SMLR1: variants seen among roughly 807,000 people sequenced by gnomAD.
The protein encoded by SMLR1 is small leucine-rich protein 1.
In SMLR1, 3 loss-of-function variants were observed where a neutral mutation model predicts 6.1. That is an observed-to-expected ratio of 0.49 (90% CI 0.22 to 1.28). The LOEUF is 1.28. Ranked by LOEUF, SMLR1 falls within the 50% of genes most tolerant of loss-of-function variation. The probability of loss-of-function intolerance (pLI) is 0.19; values close to 1 mark genes in which losing one functional copy is unlikely to be tolerated. For synonymous variants in SMLR1, 55 were observed against 53.6 expected, an observed-to-expected ratio of 1.03 and a Z score of -0.11; for missense variants, 126 against 124.8, an observed-to-expected ratio of 1.01 and a Z score of -0.05.
Position 130,827,662 on chromosome 6 carries a change from G to A in SMLR1, c.238+11G>A, listed in dbSNP as rs1242884150. ...TCAAACTGATTGAGGGTAAGTGTGAGGCCACACAAGGAAGAACTTGGGCAT... is the reference window on the plus strand; with the variant it reads ...TCAAACTGATTGAGGGTAAGTGTGAAGCCACACAAGGAAGAACTTGGGCAT... On this transcript the variant is annotated intron_variant, in intron 1 of 1. Transcript: ENST00000541421. 1.3e-6 allele frequency: 2 copies of A among 1,530,992 alleles called. No homozygotes were observed. Among genetic ancestry groups the A allele is most frequent in the African/African-American group, 1.4e-5 (1 of 73,010 alleles). 94.8% of individuals were successfully genotyped at this position (1,530,992 alleles called of 1,614,324 possible).
Position 130,835,196 on chromosome 6 carries a change from C to T in SMLR1, c.*241C>T, listed in dbSNP as rs1051575500. 2.4e-4 allele frequency: 106 copies of T among 447,698 alleles called. No homozygotes were observed. Among genetic ancestry groups the T allele is most frequent in the African/African-American group, 2.0e-3 (102 of 51,266 alleles). The allele number at this position is 447,698 out of a possible 1,614,324, so 27.7% of individuals were successfully genotyped here. On this transcript the variant is annotated 3_prime_UTR_variant, in exon 2 of 2. Transcript: ENST00000541421. The stretch of plus-strand genomic sequence containing the variant: ...CAAGAATGGATTTCCTGGGTATATA[C>T]ACTGGACACATTGTAACTTTTTAAC...
At chr6:130,829,023 ACACT>A (rs1453009684) in intron 1 of SMLR1, among the ~76,000 whole-genome samples, 3 of 152,190 alleles carry the variant, frequency 2.0e-5, no homozygotes, top group Non-Finnish European at 4.4e-5. Flanking sequence ...CCCATCCGTA[ACACT>A]CACTGCATCT....
chr6:130,830,707 T>G (rs908358296), intron 1 of SMLR1, among the ~76,000 whole-genome samples: 5 of 152,094 alleles, frequency 3.3e-5, no homozygotes, highest in Non-Finnish European at 7.3e-5. Flanking sequence ...ATAAAGACCT[T>G]GCTGATAAAA....
At position 130,830,064 on chromosome 6, in the gene SMLR1, A is replaced by G. The variant is rs142873616; in HGVS notation, c.238+2413A>G. Among the ~76,000 whole-genome samples the G allele has an allele frequency of 4.4e-3, 664 of 152,320 alleles. 10 individuals are homozygous for G. Among genetic ancestry groups the G allele is most frequent in the African/African-American group, 0.015 (638 of 41,576 alleles). On this transcript the variant is annotated intron_variant, in intron 1 of 1. Transcript: ENST00000541421. ...ATTTTTACTATGAGTTTTTAAGACTAAGAGAAAATAATCCCAGTTCTAGAA... is the reference window on the plus strand; with the variant it reads ...ATTTTTACTATGAGTTTTTAAGACTGAGAGAAAATAATCCCAGTTCTAGAA...
intron 1 of SMLR1, among the ~76,000 whole-genome samples, chr6:130,831,543 T>C (rs1774447426): frequency 6.6e-6 from 1 of 152,196 alleles, no homozygotes; most frequent in South Asian, 2.1e-4. Flanking sequence ...GGGTAAGTAG[T>C]ACTGTCTTCT....
chr6:130,835,542 C>T lies in SMLR1; in HGVS notation c.*587C>T, dbSNP rs960188956. On this transcript the variant is annotated 3_prime_UTR_variant, in exon 2 of 2. Coordinates refer to ENST00000541421, the MANE Select transcript of SMLR1 (RefSeq NM_001195597.2). ...ATTATTGTCACAAATATGCACAAAACAAGTGGAGTATCCCCACACTAGGTA... is the reference window on the plus strand; with the variant it reads ...ATTATTGTCACAAATATGCACAAAATAAGTGGAGTATCCCCACACTAGGTA... 2 of 152,556 alleles carry T rather than the reference C, an allele frequency of 1.3e-5. No homozygotes were observed. Among genetic ancestry groups the T allele is most frequent in the Admixed American group, 6.5e-5 (1 of 15,324 alleles). 9.5% of individuals were successfully genotyped at this position (152,556 alleles called of 1,614,324 possible).
intron 1 of SMLR1, among the ~76,000 whole-genome samples, chr6:130,830,045 A>C (rs563450173): frequency 3.3e-5 from 5 of 152,272 alleles, no homozygotes; most frequent in African/African-American, 1.2e-4. Flanking sequence ...ACAGATTTTT[A>C]CTATGAGTTT....
chr6:130,828,982 C>T (rs1019808779), intron 1 of SMLR1, among the ~76,000 whole-genome samples: 1 of 152,118 alleles, frequency 6.6e-6, no homozygotes, highest in African/African-American at 2.4e-5. Context: ...TCTTCCAAGT[C>T]GAAATGTTTT....
chr6:130,834,858 T>G lies in SMLR1; in HGVS notation c.239-12T>G. The stretch of plus-strand genomic sequence containing the variant: ...ATGTCTCCAAATTATTAACTAATAT[T>G]TTTCCTTTCAGTTAATGAAGAACTG... On this transcript the variant is annotated splice_polypyrimidine_tract_variant and intron_variant, in intron 1 of 1. Coordinates refer to ENST00000541421, the MANE Select transcript of SMLR1 (RefSeq NM_001195597.2). 1 of 1,532,534 alleles carries G rather than the reference T, an allele frequency of 6.5e-7. No homozygotes were observed. Among genetic ancestry groups the G allele is most frequent in the East Asian group, 2.4e-5 (1 of 40,902 alleles). 94.9% of individuals were successfully genotyped at this position (1,532,534 alleles called of 1,614,324 possible). A position where few individuals can be genotyped will look rare whatever the true frequency, so the allele number is the denominator to read the frequency against.
rs1774656418 is a variant in SMLR1, at chr6:130,836,266, G to A, written c.*1311G>A. On this transcript the variant is annotated 3_prime_UTR_variant, in exon 2 of 2. Coordinates refer to ENST00000541421, the MANE Select transcript of SMLR1 (RefSeq NM_001195597.2). The stretch of plus-strand genomic sequence containing the variant: ...GGTTTTCAGACTGAACTAATTCAGA[G>A]TAACAGTGCTCTTGCCATATGGAAG... 1 of 152,208 alleles carries A rather than the reference G, an allele frequency of 6.6e-6. No homozygotes were observed. Among genetic ancestry groups the A allele is most frequent in the Admixed American group, 6.5e-5 (1 of 15,282 alleles). 9.4% of individuals were successfully genotyped at this position (152,208 alleles called of 1,614,324 possible). A position where few individuals can be genotyped will look rare whatever the true frequency, so the allele number is the denominator to read the frequency against.
rs150040454 is a variant in SMLR1 at position 130,827,517 on chromosome 6, G to T, written c.104G>T (p.Trp35Leu). ...CCCATGGTCCCCGTGGGGTCTGTGT[G>T]GTTGGCAATGAGCTCTGTGCTGTCA... ...VTPMVPVGSVWLAMSSVLSAF... is the reference protein window; with the variant it reads ...VTPMVPVGSVLLAMSSVLSAF... Residue 35 changes from tryptophan to leucine, a missense_variant, in exon 1 of 2, where the codon TGG becomes TTG. By Grantham distance (61) the Trp-to-Leu change is moderately conservative (BLOSUM62 -2). Transcript: ENST00000541421. The T allele has an allele frequency of 1.3e-3, 1,969 of 1,535,968 alleles. 14 individuals carry two copies. In the African/African-American group the frequency reaches 0.02, roughly 16 times the overall value.
At chr6:130,834,104 T>C (rs114993830) in intron 1 of SMLR1, among the ~76,000 whole-genome samples, 1,740 of 152,250 alleles carry the variant, frequency 0.011, 40 homozygotes, top group African/African-American at 0.039. Flanking sequence ...TGTCTTCTGA[T>C]GTACGAGGAA....
Position 130,837,075 on chromosome 6 carries a change from A to G in SMLR1, c.*2120A>G, listed in dbSNP as rs1774695329. 6.6e-6 allele frequency: 1 copy of G among 152,180 alleles called. No individual in the cohort carries two copies. Among genetic ancestry groups the G allele is most frequent in the Non-Finnish European group, 1.5e-5 (1 of 68,024 alleles). The allele number at this position is 152,180 out of a possible 1,614,324, so 9.4% of individuals were successfully genotyped here. A position where few individuals can be genotyped will look rare whatever the true frequency, so the allele number is the denominator to read the frequency against. On this transcript the variant is annotated 3_prime_UTR_variant, in exon 2 of 2. Coordinates refer to ENST00000541421, the MANE Select transcript of SMLR1 (RefSeq NM_001195597.2). ...GCTATAGTATCTGAAACGGTTCACC[A>G]ATAGGGATAATGTTTCTCCAACTGG...
chr6:130,833,246 TG>T (rs1774524576), intron 1 of SMLR1, among the ~76,000 whole-genome samples: 1 of 152,190 alleles, frequency 6.6e-6, no homozygotes, highest in Non-Finnish European at 1.5e-5. Context: ...GATGATTCAC[TG>T]TAGATTGACG....
intron 1 of SMLR1, among the ~76,000 whole-genome samples, chr6:130,831,339 T>A (rs1003015976): frequency 1.3e-5 from 2 of 152,162 alleles, no homozygotes; most frequent in African/African-American, 4.8e-5. Flanking sequence ...AATCAGTGCA[T>A]CTATTTTTTT....
intron 1 of SMLR1, among the ~76,000 whole-genome samples, chr6:130,831,931 A>G (rs9375777): frequency 0.77 from 117,301 of 152,150 alleles, 45,705 homozygotes; most frequent in East Asian, 1. Flanking sequence ...AATGGTGCAC[A>G]TAAATTTAAT....
chr6:130,828,424 G>A (rs1405108224), intron 1 of SMLR1, among the ~76,000 whole-genome samples: 2 of 152,088 alleles, frequency 1.3e-5, no homozygotes, highest in African/African-American at 4.8e-5. Context: ...AATCAACAAA[G>A]ACCAGTCATA....
intron 1 of SMLR1, among the ~76,000 whole-genome samples, chr6:130,831,413 G>A (rs142887362): frequency 3.9e-4 from 59 of 151,972 alleles, no homozygotes; most frequent in African/African-American, 1.0e-3. Flanking sequence ...GGATATTTTC[G>A]TTTTTAGGTT....
chr6:130,832,169 AC>A (rs1480149887), intron 1 of SMLR1, among the ~76,000 whole-genome samples: 3 of 151,930 alleles, frequency 2.0e-5, no homozygotes, highest in Non-Finnish European at 2.9e-5. Context: ...AGATTCCCAA[AC>A]CTTTACTTCC....
Sources: allele counts gnomAD v4.1 joint callset (sites outside exome capture counted in the v4.1 genomes callset), GRCh38; gene constraint gnomAD v4.1.1; transcripts MANE v1.5; gene names NCBI Gene and HGNC (gene_info 2026-07-23, HGNC 2026-07-21).